Variants in PGM2L1 observed in about 807,000 individuals in gnomAD.
PGM2L1 encodes the protein glucose 1,6-bisphosphate synthase.
PGM2L1 carries 35 observed loss-of-function variants against 73.4 expected under a neutral mutation model. The observed-to-expected ratio is 0.48, with a 90% CI of 0.36 to 0.63. The LOEUF (loss-of-function observed/expected upper bound fraction) is 0.63, where lower values mean the gene tolerates loss of function less well. Ranked by LOEUF, PGM2L1 falls within the 30% of genes least tolerant of loss-of-function variation. The pLI, the probability that PGM2L1 is intolerant of heterozygous loss-of-function variation, is 0.00. For missense variants in PGM2L1, 570 were observed against 742.0 expected, an observed-to-expected ratio of 0.77 and a Z score of 2.69; for synonymous variants, 225 against 253.8, an observed-to-expected ratio of 0.89 and a Z score of 1.08.
At chr11:74,352,889 G>T (rs566508413) in intron 5 of PGM2L1, among the ~76,000 whole-genome samples, 2 of 152,308 alleles carry the variant, frequency 1.3e-5, no homozygotes, top group South Asian at 2.1e-4. Flanking sequence ...ATGCCCATGT[G>T]CAAGGTAGGG....
chr11:74,348,009 A>C (rs1287674745), intron 6 of PGM2L1, among the ~76,000 whole-genome samples: 2 of 151,980 alleles, frequency 1.3e-5, no homozygotes, highest in Non-Finnish European at 2.9e-5. Flanking sequence ...CCTTCATCTC[A>C]TACATCACTC....
Position 74,347,194 on chromosome 11 carries a change from A to C in PGM2L1, c.893T>G (p.Phe298Cys). 6.2e-7 allele frequency: 1 copy of C among 1,605,812 alleles called. No individual in the cohort carries two copies. The highest frequency in any genetic ancestry group is 8.5e-7 in the Non-Finnish European group (1 of 1,176,618). ...AGGATTTGGACATTTAACGGTAGAA[A>C]AGTCTGGATCAGGATCTTTTTGTTC... ...VPEQKDPDPD[F>C]STVKCPNPEE... Residue 298 changes from phenylalanine to cysteine, a missense_variant, in exon 7 of 14, where the codon TTT becomes TGT. By Grantham distance (205) the Phe-to-Cys change is radical. Transcript: ENST00000298198.
At chr11:74,381,076 T>G (rs894149315) in intron 1 of PGM2L1, among the ~76,000 whole-genome samples, 1 of 152,166 alleles carries the variant, frequency 6.6e-6, no homozygotes, top group Non-Finnish European at 1.5e-5. Flanking sequence ...CTCTACAGGT[T>G]TTGTCAGTAA....
In PGM2L1 at chr11:74,342,734, G is replaced by C. The variant is rs565318589; in HGVS notation, c.1443-84C>G. 2,383 of 1,373,328 alleles carry C rather than the reference G, an allele frequency of 1.7e-3. 10 individuals are homozygous for C. Among genetic ancestry groups the C allele is most frequent in the Non-Finnish European group, 2.1e-3 (2,138 of 1,018,054 alleles). The allele number at this position is 1,373,328 out of a possible 1,614,324, so 85.1% of individuals were successfully genotyped here. A position where few individuals can be genotyped will look rare whatever the true frequency, so the allele number is the denominator to read the frequency against. On this transcript the variant is annotated intron_variant, in intron 11 of 13. Coordinates refer to ENST00000298198, the MANE Select transcript of PGM2L1 (RefSeq NM_173582.6). The stretch of plus-strand genomic sequence containing the variant: ...TATTAAGGAAGATCAGCCTACTATG[G>C]TATTTTATACAAAGTGGCAGTCCTT...
Position 74,345,480 on chromosome 11 carries a change from A to G in PGM2L1, c.1207T>C (p.Phe403Leu), listed in dbSNP as rs1862247138. 6.2e-7 allele frequency: 1 copy of G among 1,609,150 alleles called. No individual in the cohort carries two copies. Among genetic ancestry groups the G allele is most frequent in the South Asian group, 1.1e-5 (1 of 90,936 alleles). ...ILKAIALKEG[F>L]HFEETLPGFK... is the part of the protein sequence containing the mutation. ...TTATTGATTCTTACTTCAAAATGAA[A>G]TCCTTCTTTAAGTGCAATTGCCTTC... The change falls in exon 9 of 14, where the codon TTT becomes CTT. Residue 403 changes from phenylalanine to leucine, a missense_variant. By Grantham distance (22) the Phe-to-Leu change is conservative (BLOSUM62 0). Transcript: ENST00000298198.
intron 2 of PGM2L1, among the ~76,000 whole-genome samples, chr11:74,374,052 CA>C (rs60395088): frequency 0.053 from 4,513 of 85,648 alleles, 114 homozygotes; most frequent in African/African-American, 0.15. Context: ...TTTATAAAGC[CA>C]AAAAAAAAAA....
chr11:74,378,795 A>G (rs1258824227), intron 1 of PGM2L1, among the ~76,000 whole-genome samples: 1 of 152,176 alleles, frequency 6.6e-6, no homozygotes, highest in Non-Finnish European at 1.5e-5. Flanking sequence ...AAAAAAATTA[A>G]CTTCTTACAA....
rs1862795208 is a variant in PGM2L1 at position 74,372,975 on chromosome 11, T to A, written c.280-1158A>T. Among the ~76,000 whole-genome samples, 7 of 152,298 alleles carry A rather than the reference T, an allele frequency of 4.6e-5. No homozygotes were observed. In the South Asian group the frequency reaches 1.5e-3, roughly 32 times the overall value. ...ATCTCTGCTATCAGAATGCATCTTATTTCTCTATATGCATTAGGTTGGTGG... is the reference window on the plus strand; with the variant it reads ...ATCTCTGCTATCAGAATGCATCTTAATTCTCTATATGCATTAGGTTGGTGG... On this transcript the variant is annotated intron_variant, in intron 2 of 13. Coordinates refer to ENST00000298198, the MANE Select transcript of PGM2L1 (RefSeq NM_173582.6).
At chr11:74,343,528 C>T (rs1862215981) in intron 9 of PGM2L1, 112 bp from the exon 10 acceptor site, 2 of 1,432,788 alleles carry the variant, frequency 1.4e-6, no homozygotes, top group East Asian at 5.2e-5. Context: ...TTACTATAGT[C>T]TTCAGTCCAC....
intron 5 of PGM2L1, among the ~76,000 whole-genome samples, chr11:74,362,651 C>T (rs61902405): frequency 0.064 from 9,784 of 152,154 alleles, 525 homozygotes; most frequent in Non-Finnish European, 0.084. Context: ...GGAGACGCAT[C>T]TCACGTGCAG....
At chr11:74,362,480 A>G (rs577808049) in intron 5 of PGM2L1, among the ~76,000 whole-genome samples, 126 of 152,352 alleles carry the variant, frequency 8.3e-4, no homozygotes, top group African/African-American at 2.6e-3. Flanking sequence ...AAGAAACTGC[A>G]TCAACTAACG....
chr11:74,379,596 G>C (rs1309228730), intron 1 of PGM2L1, among the ~76,000 whole-genome samples: 1 of 152,032 alleles, frequency 6.6e-6, no homozygotes, highest in African/African-American at 2.4e-5. Context: ...TAGAAGATTG[G>C]AACAGATCTA....
intron 5 of PGM2L1, among the ~76,000 whole-genome samples, chr11:74,363,025 T>G (rs1376336494): frequency 2.0e-5 from 3 of 152,020 alleles, no homozygotes; most frequent in Admixed American, 6.6e-5. Context: ...GAACAGAAAT[T>G]ATAACAAACT....
At chr11:74,349,674 T>G (rs996634112) in intron 6 of PGM2L1, among the ~76,000 whole-genome samples, 1 of 152,160 alleles carries the variant, frequency 6.6e-6, no homozygotes, top group Non-Finnish European at 1.5e-5. Flanking sequence ...AACTAGTATT[T>G]TGGTATTTTA....
At position 74,398,275 on chromosome 11, in the gene PGM2L1, C is replaced by A; in HGVS notation, c.-114G>T. ...GCGTCCCCACCTCACTGAAGGGCAT[C>A]GGAGACCAACCGCAGGGTGTTCGTA... On this transcript the variant is annotated 5_prime_UTR_variant, in exon 1 of 14. Coordinates refer to ENST00000298198, the MANE Select transcript of PGM2L1 (RefSeq NM_173582.6). 1.4e-6 allele frequency: 2 copies of A among 1,386,392 alleles called. No homozygotes were observed. Among genetic ancestry groups the A allele is most frequent in the Non-Finnish European group, 1.9e-6 (2 of 1,061,316 alleles). 85.9% of individuals were successfully genotyped at this position (1,386,392 alleles called of 1,614,324 possible).
At chr11:74,383,298 A>G (rs11236088) in intron 1 of PGM2L1, among the ~76,000 whole-genome samples, 89,552 of 151,856 alleles carry the variant, frequency 0.59, 28,384 homozygotes, top group East Asian at 0.82. Context: ...CATACATGCA[A>G]TACAATTCCA....
intron 11 of PGM2L1, 37 bp downstream of exon 11, chr11:74,342,848 A>C (rs1351491129): frequency 2.3e-5 from 35 of 1,541,360 alleles, no homozygotes; most frequent in Non-Finnish European, 3.1e-5. Flanking sequence ...AATAAAAGAA[A>C]AATCTAGCAT....
chr11:74,355,553 CA>C (rs547652950), intron 5 of PGM2L1: 4,690 of 113,402 alleles, frequency 0.041, no homozygotes, highest in Middle Eastern at 0.079. Flanking sequence ...GACTCCGTCT[CA>C]AAAAAAAAAA....
chr11:74,380,581 C>A (rs1862927562), intron 1 of PGM2L1, among the ~76,000 whole-genome samples: 1 of 151,784 alleles, frequency 6.6e-6, no homozygotes. Flanking sequence ...GAAAATAATC[C>A]TTGAAATATT....
Sources: gnomAD v4.1 joint callset for allele counts (sites outside exome capture counted in the v4.1 genomes callset) on GRCh38, gnomAD v4.1.1 for gene constraint, MANE v1.5 for transcripts, NCBI Gene and HGNC (gene_info 2026-07-23, HGNC 2026-07-21) for gene names.